PCBD2: variants seen among roughly 807,000 people sequenced by gnomAD.
PCBD2 encodes pterin-4-alpha-carbinolamine dehydratase 2.
A neutral mutation model predicts 16.4 loss-of-function variants in PCBD2; 12 were observed. The ratio of observed to expected loss-of-function variants is 0.73; its 90% CI spans 0.47 to 1.19. The LOEUF is 1.19. Among genes scored for constraint, PCBD2 ranks in the 50% most tolerant of loss-of-function variants. The pLI, the probability that PCBD2 is intolerant of heterozygous loss-of-function variation, is 0.00. For missense variants in PCBD2, 138 were observed against 156.8 expected, an observed-to-expected ratio of 0.88 and a Z score of 0.64; for synonymous variants, 58 against 61.8, an observed-to-expected ratio of 0.94 and a Z score of 0.29.
intron 1 of PCBD2, 27 bp downstream of exon 1, chr5:134,905,250 G>A (rs778771295): frequency 3.3e-6 from 4 of 1,222,996 alleles, no homozygotes; most frequent in Non-Finnish European, 4.1e-6. Flanking sequence ...CGCGTGGGTG[G>A]GGGTCCGGGG....
intron 2 of PCBD2, among the ~76,000 whole-genome samples, chr5:134,940,434 T>TA (rs201302684): frequency 0.041 from 5,997 of 147,306 alleles, 134 homozygotes; most frequent in Middle Eastern, 0.074. Context: ...AGCATATATA[T>TA]TTTTTTTTTT....
chr5:134,940,433 AT>A (rs1043977918), intron 2 of PCBD2, among the ~76,000 whole-genome samples: 25 of 147,182 alleles, frequency 1.7e-4, no homozygotes, highest in African/African-American at 2.5e-4. Flanking sequence ...CAGCATATAT[AT>A]TTTTTTTTTT....
intron 2 of PCBD2, chr5:134,928,284 A>C (rs1464531116): frequency 2.6e-6 from 1 of 388,666 alleles, no homozygotes; most frequent in Admixed American, 4.5e-5. Flanking sequence ...CCTAGAAGTG[A>C]GATGGTAAAT....
intron 2 of PCBD2, among the ~76,000 whole-genome samples, chr5:134,956,221 G>T (rs1411364528): frequency 6.6e-6 from 1 of 151,930 alleles, no homozygotes; most frequent in Non-Finnish European, 1.5e-5. Flanking sequence ...AATATTATGT[G>T]ACAGTTGAAG....
chr5:134,945,445 A>T (rs1270006575), intron 2 of PCBD2, among the ~76,000 whole-genome samples: 1 of 152,188 alleles, frequency 6.6e-6, no homozygotes, highest in Non-Finnish European at 1.5e-5. Context: ...TTCTTTCAGG[A>T]TATTGTGAAT....
chr5:134,942,864 T>C (rs1485205473), intron 2 of PCBD2, among the ~76,000 whole-genome samples: 1 of 152,236 alleles, frequency 6.6e-6, no homozygotes, highest in Non-Finnish European at 1.5e-5. Flanking sequence ...ATTCCTGGTC[T>C]GATGCTCTTT....
intron 1 of PCBD2, 38 bp from the exon 2 acceptor site, chr5:134,910,297 T>A (rs377019478): frequency 1.2e-6 from 2 of 1,600,954 alleles, no homozygotes; most frequent in Non-Finnish European, 1.7e-6. Flanking sequence ...TTGAGTAAAC[T>A]TGTACATTTT....
chr5:134,955,032 G>A (rs976032248), intron 2 of PCBD2, among the ~76,000 whole-genome samples: 1 of 151,852 alleles, frequency 6.6e-6, no homozygotes, highest in Non-Finnish European at 1.5e-5. Context: ...GTGAGCCACT[G>A]TGTCTGGCCA....
At chr5:134,909,642 AAG>A (rs1750743082) in intron 1 of PCBD2, among the ~76,000 whole-genome samples, 1 of 152,194 alleles carries the variant, frequency 6.6e-6, no homozygotes, top group African/African-American at 2.4e-5. Context: ...GGGCCATCCA[AAG>A]AGCAATAGAC....
intron 2 of PCBD2, among the ~76,000 whole-genome samples, chr5:134,941,757 A>G (rs981511138): frequency 3.3e-5 from 5 of 152,206 alleles, no homozygotes; most frequent in Non-Finnish European, 7.3e-5. Context: ...AGGGAAAAAA[A>G]CTACGTAATA....
intron 2 of PCBD2, among the ~76,000 whole-genome samples, chr5:134,938,647 G>C (rs371016539): frequency 1.2e-4 from 19 of 152,254 alleles, no homozygotes; most frequent in African/African-American, 4.3e-4. Flanking sequence ...AGTGGAGAAG[G>C]GGGAGGGGAT....
At position 134,961,355 on chromosome 5, in the gene PCBD2, G is replaced by A. The variant is rs1284634536; in HGVS notation, c.*674G>A. The A allele has an allele frequency of 2.0e-5, 3 of 150,250 alleles. No homozygotes were observed. The highest frequency in any genetic ancestry group is 6.6e-5 in the Admixed American group (1 of 15,088). The allele number at this position is 150,250 out of a possible 1,614,324, so 9.3% of individuals were successfully genotyped here. ...GGCTGGAGTGCAGTGGCGGGATCTC[G>A]GCTCACTGCAACCTCTGCCTCCCAG... On this transcript the variant is annotated 3_prime_UTR_variant, in exon 4 of 4. Transcript: ENST00000254908.
At chr5:134,940,867 C>T (rs1194743740) in intron 2 of PCBD2, among the ~76,000 whole-genome samples, 7 of 151,992 alleles carry the variant, frequency 4.6e-5, no homozygotes, top group African/African-American at 1.2e-4. Context: ...TGGTGGTTCA[C>T]GCCTGTAATC....
intron 2 of PCBD2, among the ~76,000 whole-genome samples, chr5:134,913,747 T>C (rs970277661): frequency 1.3e-5 from 2 of 152,142 alleles, no homozygotes; most frequent in African/African-American, 4.8e-5. Flanking sequence ...GGGGGTCTTA[T>C]GGAGGTATCA....
chr5:134,933,516 A>C (rs1751122631), intron 2 of PCBD2, among the ~76,000 whole-genome samples: 1 of 152,214 alleles, frequency 6.6e-6, no homozygotes, highest in African/African-American at 2.4e-5. Flanking sequence ...GACTGTAGGC[A>C]TGAGCCACTG....
At chr5:134,939,775 C>T (rs1246703553) in intron 2 of PCBD2, among the ~76,000 whole-genome samples, 1 of 152,148 alleles carries the variant, frequency 6.6e-6, no homozygotes, top group Non-Finnish European at 1.5e-5. Context: ...TAAAGTTTTA[C>T]TAGAGCTTGT....
intron 2 of PCBD2, among the ~76,000 whole-genome samples, chr5:134,919,872 G>A (rs1750881885): frequency 6.6e-6 from 1 of 152,202 alleles, no homozygotes; most frequent in South Asian, 2.1e-4. Flanking sequence ...TTGCACTGCA[G>A]TTTTGTCCAT....
intron 2 of PCBD2, among the ~76,000 whole-genome samples, chr5:134,945,802 T>G (rs1751289103): frequency 6.6e-6 from 1 of 152,174 alleles, no homozygotes. Context: ...ACTGTGCATT[T>G]TTGTGAGACC....
chr5:134,924,961 G>C (rs950441607), intron 2 of PCBD2: 3 of 392,420 alleles, frequency 7.6e-6, no homozygotes, highest in African/African-American at 6.2e-5. Context: ...ATCTAGGGCT[G>C]TTAGAAGTCC....
Sources: allele counts gnomAD v4.1 joint callset (sites outside exome capture counted in the v4.1 genomes callset), GRCh38; gene constraint gnomAD v4.1.1; transcripts MANE v1.5; gene names NCBI Gene and HGNC (gene_info 2026-07-23, HGNC 2026-07-21).